CDC40: variants seen among roughly 807,000 people sequenced by gnomAD.
The protein encoded by CDC40 is pre-mRNA-processing factor 17.
A neutral mutation model predicts 80.6 loss-of-function variants in CDC40; 27 were observed. That is an observed-to-expected ratio of 0.33 (90% CI 0.25 to 0.46). The LOEUF (loss-of-function observed/expected upper bound fraction) is 0.46. CDC40 is among the 20% of genes least tolerant of loss of function. CDC40 has a pLI of 1.00. For missense variants in CDC40, 486 were observed against 694.1 expected, an observed-to-expected ratio of 0.70 and a Z score of 3.37; for synonymous variants, 221 against 232.6, an observed-to-expected ratio of 0.95 and a Z score of 0.45.
intron 1 of CDC40, 151 bp downstream of exon 1, chr6:110,180,784 C>T (rs1777174585): frequency 1.6e-6 from 1 of 628,442 alleles, no homozygotes; most frequent in Non-Finnish European, 2.8e-6. Flanking sequence ...CATGCATCCT[C>T]GGGAGAGGCA....
chr6:110,195,586 A>T (rs1584065413), intron 2 of CDC40, among the ~76,000 whole-genome samples: 1 of 152,202 alleles, frequency 6.6e-6, no homozygotes, highest in South Asian at 2.1e-4. Flanking sequence ...AGTTATAAAG[A>T]TAAATCAGAT....
Position 110,219,448 on chromosome 6 carries a change from T to A in CDC40, c.1175T>A (p.Val392Glu). ...NPDEDKQNLF[V>E]AGMSDKKIVQ... is the part of the protein sequence containing the mutation. ...GATGAAGATAAGCAAAATCTCTTTG[T>A]GGCTGGGATGTCTGATAAGAAGATT... Residue 392 changes from valine to glutamate, a missense_variant, in exon 11 of 15, where the codon GTG becomes GAG. Physicochemically the swap from Val to Glu is moderately radical, Grantham distance 121 (BLOSUM62 -2). Around this residue, in one of 3 missense-constraint regions of CDC40, gnomAD observed 381 missense variants for 492.1 expected, o/e 0.77. Coordinates refer to ENST00000307731, the MANE Select transcript of CDC40 (RefSeq NM_015891.3). 6.2e-7 allele frequency: 1 copy of A among 1,603,906 alleles called. No individual in the cohort carries two copies. Among genetic ancestry groups the A allele is most frequent in the Non-Finnish European group, 8.5e-7 (1 of 1,171,250 alleles).
intron 3 of CDC40, among the ~76,000 whole-genome samples, chr6:110,204,259 G>GC (rs1777533131): frequency 6.6e-6 from 1 of 152,060 alleles, no homozygotes; most frequent in African/African-American, 2.4e-5. Flanking sequence ...TGATCCACCC[G>GC]CCTCAGCCTC....
At chr6:110,195,289 G>A (rs1365923824) in intron 2 of CDC40, among the ~76,000 whole-genome samples, 1 of 152,062 alleles carries the variant, frequency 6.6e-6, no homozygotes, top group East Asian at 1.9e-4. Flanking sequence ...GTTTACCAGA[G>A]AGTATGTGCT....
chr6:110,201,715 A>T, intron 3 of CDC40, 28 bp downstream of exon 3: 1 of 1,604,496 alleles, frequency 6.2e-7, no homozygotes, highest in Non-Finnish European at 8.5e-7. Flanking sequence ...AAGCAGTTTC[A>T]ATTTTGGCTT....
rs1013288616 is a variant in CDC40, at chr6:110,215,223, T to C, written c.943-63T>C. The C allele has an allele frequency of 4.6e-6, 6 of 1,300,882 alleles. No homozygotes were observed. The African/African-American group carries it at 8.7e-5, about 19-fold the overall frequency. 80.6% of individuals were successfully genotyped at this position (1,300,882 alleles called of 1,614,324 possible). On this transcript the variant is annotated intron_variant, in intron 8 of 14. Coordinates refer to ENST00000307731, the MANE Select transcript of CDC40 (RefSeq NM_015891.3). ...ACACATAACCAGCATAGGGCTGTTG[T>C]TATTAATTGAAGGACCTTTATTAAA...
chr6:110,187,617 G>A (rs1480138498), intron 1 of CDC40, among the ~76,000 whole-genome samples: 1 of 152,078 alleles, frequency 6.6e-6, no homozygotes, highest in Non-Finnish European at 1.5e-5. Context: ...AAAAAACTAT[G>A]CCATAAATTG....
intron 3 of CDC40, among the ~76,000 whole-genome samples, chr6:110,203,908 C>T (rs143381164): frequency 1.3e-5 from 2 of 152,362 alleles, no homozygotes; most frequent in East Asian, 3.9e-4. Flanking sequence ...ATTTTCTCTA[C>T]ACCCACCTAC....
intron 1 of CDC40, among the ~76,000 whole-genome samples, chr6:110,181,105 A>G (rs550718366): frequency 6.6e-6 from 1 of 152,364 alleles, no homozygotes; most frequent in South Asian, 2.1e-4. Context: ...GATCATTTTC[A>G]AAACATCTGT....
intron 2 of CDC40, among the ~76,000 whole-genome samples, chr6:110,196,753 T>C (rs1777423407): frequency 1.3e-5 from 2 of 152,160 alleles, no homozygotes; most frequent in African/African-American, 4.8e-5. Context: ...TGAAATTTTC[T>C]CATACTAATA....
At chr6:110,221,193 T>C (rs1487137485) in intron 12 of CDC40, among the ~76,000 whole-genome samples, 2 of 152,320 alleles carry the variant, frequency 1.3e-5, no homozygotes, top group East Asian at 3.9e-4. Flanking sequence ...AGCCGCCATG[T>C]TTTTACAGTC....
At chr6:110,226,625 C>T (rs1777864820) in intron 13 of CDC40, among the ~76,000 whole-genome samples, 1 of 151,524 alleles carries the variant, frequency 6.6e-6, no homozygotes, top group Non-Finnish European at 1.5e-5. Context: ...GTTGCCCAGG[C>T]TAGTCTCAAA....
chr6:110,202,447 A>G (rs1420157813), intron 3 of CDC40, among the ~76,000 whole-genome samples: 2 of 152,208 alleles, frequency 1.3e-5, no homozygotes, highest in African/African-American at 4.8e-5. Flanking sequence ...AAACTGTTAC[A>G]TCATGATTTT....
chr6:110,219,073 C>T (rs1379509287), intron 10 of CDC40, among the ~76,000 whole-genome samples: 1 of 152,096 alleles, frequency 6.6e-6, no homozygotes, highest in East Asian at 1.9e-4. Context: ...CTGAGATTCC[C>T]TCATGGCTTG....
chr6:110,183,930 G>A (rs1025712821), intron 1 of CDC40, among the ~76,000 whole-genome samples: 2 of 151,936 alleles, frequency 1.3e-5, no homozygotes, highest in African/African-American at 4.8e-5. Context: ...TTTGTCAATT[G>A]TGTGTGTTGC....
At chr6:110,215,682 G>A (rs1165912954) in intron 9 of CDC40, among the ~76,000 whole-genome samples, 2 of 152,204 alleles carry the variant, frequency 1.3e-5, no homozygotes, top group Non-Finnish European at 2.9e-5. Flanking sequence ...TTTAGCCTCT[G>A]TTGTGAGGGC....
intron 2 of CDC40, chr6:110,199,117 A>T (rs968182064): frequency 1.3e-5 from 2 of 152,182 alleles, no homozygotes; most frequent in Admixed American, 1.3e-4. Context: ...TTGTTGCCTC[A>T]GCTTAAATCT....
At chr6:110,205,864 A>G (rs1485052416) in intron 3 of CDC40, among the ~76,000 whole-genome samples, 1 of 152,186 alleles carries the variant, frequency 6.6e-6, no homozygotes, top group Non-Finnish European at 1.5e-5. Flanking sequence ...TACATCAAAG[A>G]GATTAAAGAC....
intron 3 of CDC40, among the ~76,000 whole-genome samples, chr6:110,203,249 T>C (rs1777515928): frequency 6.6e-6 from 1 of 152,222 alleles, no homozygotes; most frequent in Non-Finnish European, 1.5e-5. Flanking sequence ...CCCCAGGTAC[T>C]GAGCAAGTAT....
Sources: allele counts gnomAD v4.1 joint callset (sites outside exome capture counted in the v4.1 genomes callset), GRCh38; gene constraint gnomAD v4.1.1; regional missense constraint gnomAD v4.1.1; transcripts MANE v1.5; gene names NCBI Gene and HGNC (gene_info 2026-07-23, HGNC 2026-07-21).